Variants in MYH4 observed in about 807,000 individuals in gnomAD.
MYH4 encodes the protein myosin-4.
Under a neutral mutation model 229.9 loss-of-function variants are expected in MYH4, and 200 were observed. The observed-to-expected ratio is 0.87, with a 90% CI of 0.78 to 0.98. The LOEUF is 0.98. MYH4 is among the 50% of genes least tolerant of loss of function. The probability of loss-of-function intolerance (pLI) is 0.00; values close to 1 mark genes in which losing one functional copy is unlikely to be tolerated. For missense variants in MYH4, 2,148 were observed against 2,332.6 expected (o/e 0.92, Z 1.63); for synonymous variants, 761 against 834.6 (o/e 0.91, Z 1.52).
intron 28 of MYH4, 68 bp downstream of exon 28, chr17:10,451,258 G>T (rs1427215602): frequency 1.3e-6 from 2 of 1,548,652 alleles, no homozygotes; most frequent in East Asian, 2.3e-5. Context: ...ACTTGTATTT[G>T]ATAGGTAGGT....
intron 32 of MYH4, 36 bp downstream of exon 32, chr17:10,448,582 T>C (rs541775229): frequency 1.2e-6 from 2 of 1,610,784 alleles, no homozygotes; most frequent in African/African-American, 1.3e-5. Context: ...GATGTCTCCC[T>C]ACCATTTTTG....
At chr17:10,444,929 T>G (rs758347372) in intron 37 of MYH4, 30 bp from the exon 38 acceptor site, 1 of 1,614,032 alleles carries the variant, frequency 6.2e-7, no homozygotes, top group African/African-American at 1.3e-5. Context: ...TTTACCAGTT[T>G]GGCTGTAACT....
chr17:10,467,745 G>A (rs1429254525), intron 2 of MYH4, among the ~76,000 whole-genome samples: 3 of 152,146 alleles, frequency 2.0e-5, no homozygotes, highest in Non-Finnish European at 4.4e-5. Flanking sequence ...TGGATAGCCA[G>A]TATAAAGTTT....
intron 16 of MYH4, among the ~76,000 whole-genome samples, chr17:10,456,968 A>G (rs981648514): frequency 2.0e-5 from 3 of 152,188 alleles, no homozygotes; most frequent in Admixed American, 1.3e-4. Context: ...CTGCAGGGAA[A>G]TCCTGGCTCC....
At position 10,445,507 on chromosome 17, in the gene MYH4, A is replaced by T. The variant is rs182326941; in HGVS notation, c.5170-145T>A. ...CAAATTAGAAGATAATTCTAAGTTT[A>T]TGCCTTTTCTCCTTTCTATATATAG... On this transcript the variant is annotated intron_variant, in intron 35 of 39. Coordinates refer to ENST00000255381, the MANE Select transcript of MYH4 (RefSeq NM_017533.2). 20 of 1,121,518 alleles carry T rather than the reference A, an allele frequency of 1.8e-5. No individual in the cohort carries two copies. The Admixed American group carries it at 2.9e-4, about 16-fold the overall frequency. The allele number at this position is 1,121,518 out of a possible 1,614,324, so 69.5% of individuals were successfully genotyped here. A position where few individuals can be genotyped will look rare whatever the true frequency, so the allele number is the denominator to read the frequency against.
chr17:10,464,406 T>TG (rs2072737779), intron 7 of MYH4, 66 bp downstream of exon 7: 1 of 1,326,176 alleles, frequency 7.5e-7, no homozygotes, highest in South Asian at 1.3e-5. Flanking sequence ...TACAGTCTAC[T>TG]GTTGATGTGC....
Position 10,455,618 on chromosome 17 carries a change from G to A in MYH4, c.2170C>T (p.Gln724Ter), listed in dbSNP as rs1206965809. ...PSRILYADFK[Q>*]RYKVLNASAI... Reference sequence around the variant, plus strand: ...GAAAAATAATGAGACACAAACCTCTGTTTGAAGTCTGCATAAAGGATTCTG... The same window carrying A: ...GAAAAATAATGAGACACAAACCTCTATTTGAAGTCTGCATAAAGGATTCTG... The change falls in exon 19 of 40, where the codon CAG (glutamine) becomes TAG (stop). Residue 724 changes from glutamine (Q) to a stop codon, truncating the protein, a stop_gained. Transcript: ENST00000255381. LOFTEE classifies it high-confidence loss of function. 4 of 1,613,980 alleles carry A rather than the reference G, an allele frequency of 2.5e-6. No individual in the cohort carries two copies. The highest frequency in any genetic ancestry group is 1.1e-5 in the South Asian group (1 of 91,074).
chr17:10,445,704 T>C (rs1454812752), intron 35 of MYH4, among the ~76,000 whole-genome samples: 1 of 152,134 alleles, frequency 6.6e-6, no homozygotes, highest in Non-Finnish European at 1.5e-5. Context: ...TAACTCATGT[T>C]GGTTGACTCC....
chr17:10,465,590 C>T lies in MYH4; in HGVS notation c.357G>A (p.Ser119=), dbSNP rs1387866405. The T allele has an allele frequency of 3.7e-6, 6 of 1,613,882 alleles. No homozygotes were observed. Among genetic ancestry groups the T allele is most frequent in the African/African-American group, 1.3e-5 (1 of 74,872 alleles). ...GGTTGACGGTGACACAGAAGAGGCCCGAGTAGGTCTGTGGGAAAGGACGGG... is the reference window on the plus strand; with the variant it reads ...GGTTGACGGTGACACAGAAGAGGCCTGAGTAGGTCTGTGGGAAAGGACGGG... ...RYAAWMIYTY[S]GLFCVTVNPY... Residue 119 remains serine, a synonymous_variant, in exon 5 of 40, where the codon TCG becomes TCA. Transcript: ENST00000255381.
chr17:10,462,966 T>A lies in MYH4; in HGVS notation c.907A>T (p.Met303Leu). ...LSNKKPELIE[M>L]LLITTNPYDF... ...TATGGGTTGGTGGTGATCAGAAGCA[T>A]TTCTGAACACATGGAAAAGAACAGT... Residue 303 changes from methionine to leucine, a missense_variant and splice_region_variant, in exon 11 of 40, where the codon ATG (methionine) becomes TTG (leucine). Coordinates refer to ENST00000255381, the MANE Select transcript of MYH4 (RefSeq NM_017533.2). 1.2e-6 allele frequency: 2 copies of A among 1,613,324 alleles called. No individual in the cohort carries two copies. Among genetic ancestry groups the A allele is most frequent in the Non-Finnish European group, 1.7e-6 (2 of 1,179,338 alleles).
intron 7 of MYH4, 60 bp from the exon 8 acceptor site, chr17:10,463,703 A>G: frequency 4.5e-6 from 6 of 1,346,048 alleles, no homozygotes; most frequent in Non-Finnish European, 6.2e-6. Context: ...TTTCCCATTG[A>G]CCTCTTTCCC....
rs762464051 is a variant in MYH4, at chr17:10,459,220, A to G, written c.1587+31T>C. The G allele has an allele frequency of 2.5e-6, 4 of 1,613,858 alleles. 1 individual carries two copies. Among genetic ancestry groups the G allele is most frequent in the East Asian group, 4.5e-5 (2 of 44,876 alleles). On this transcript the variant is annotated intron_variant, in intron 15 of 39. Transcript: ENST00000255381. ...CAGGGAGGCAAGCAATTTGGTTTTC[A>G]TGTTTTGAAAGCTAGAAAAGTCATA... is the stretch of plus-strand genomic sequence containing the variant.
chr17:10,454,489 G>A (rs2072615112), intron 22 of MYH4, 66 bp downstream of exon 22: 1 of 1,556,144 alleles, frequency 6.4e-7, no homozygotes, highest in Admixed American at 1.9e-5. Flanking sequence ...TGTTTCAGTG[G>A]AAACCATTCA....
chr17:10,451,584 A>G (rs2072574171), intron 27 of MYH4, 132 bp from the exon 28 acceptor site: 4 of 996,106 alleles, frequency 4.0e-6, no homozygotes, highest in Non-Finnish European at 5.7e-6. Context: ...CATGGTGGCT[A>G]TAAAGTAGTA....
At chr17:10,455,142 A>T (rs1567702311) in intron 20 of MYH4, 30 bp downstream of exon 20, 1 of 1,614,120 alleles carries the variant, frequency 6.2e-7, no homozygotes, top group Non-Finnish European at 8.5e-7. Flanking sequence ...TGATAGAATT[A>T]TGACAGATAG....
chr17:10,455,419 AG>A, intron 19 of MYH4, 124 bp from the exon 20 acceptor site: 1 of 1,309,240 alleles, frequency 7.6e-7, no homozygotes, highest in Admixed American at 2.6e-5. Context: ...CCATTTAAAA[AG>A]TCAGTGCTTT....
rs1208775437 is a variant in MYH4, at chr17:10,450,564, G to A, written c.4070C>T (p.Ala1357Val). 3.1e-6 allele frequency: 5 copies of A among 1,614,150 alleles called. No individual in the cohort carries two copies. Among genetic ancestry groups the A allele is most frequent in the Non-Finnish European group, 4.2e-6 (5 of 1,180,020 alleles). The change falls in exon 30 of 40, where the codon GCC (alanine) becomes GTC (valine). Residue 1357 changes from alanine (A) to valine (V), a missense_variant. Coordinates refer to ENST00000255381, the MANE Select transcript of MYH4 (RefSeq NM_017533.2). ...CATTCCCCTCTGCAGCTCAGCCTTG[G>A]CTTCCTGCTCCTCCTCATACTGTTC... ...LREQYEEEQE[A>V]KAELQRGMSK...
rs201075146 is a variant in MYH4 at position 10,459,352 on chromosome 17, T to A, written c.1486A>T (p.Met496Leu). 245 of 1,613,908 alleles carry A rather than the reference T, an allele frequency of 1.5e-4. No homozygotes were observed. Among genetic ancestry groups the A allele is most frequent in the Non-Finnish European group, 1.9e-4 (222 of 1,180,006 alleles). Residue 496 changes from methionine to leucine, a missense_variant, in exon 15 of 40, where the codon ATG (methionine) becomes TTG (leucine). Met to Leu is a conservative substitution (Grantham distance 15, BLOSUM62 2). Coordinates refer to ENST00000255381, the MANE Select transcript of MYH4 (RefSeq NM_017533.2). ...EKLQQFFNHH[M>L]FVLEQEEYKK... Reference sequence around the variant, plus strand: ...TACTCTTCCTGCTCCAGCACGAACATGTGGTGGTTGAAAAACTGTTGCAGT... The same window carrying A: ...TACTCTTCCTGCTCCAGCACGAACAAGTGGTGGTTGAAAAACTGTTGCAGT...
At position 10,443,336 on chromosome 17, in the gene MYH4, G is replaced by A. The variant is rs371161204; in HGVS notation, c.*39C>T. Reference sequence around the variant, plus strand: ...ACAGTGACAAAGAACTTCACATTTCGTGCATTTCTTTGGTCACATTTTCTT... The same window carrying A: ...ACAGTGACAAAGAACTTCACATTTCATGCATTTCTTTGGTCACATTTTCTT... On this transcript the variant is annotated 3_prime_UTR_variant, in exon 40 of 40. Coordinates refer to ENST00000255381, the MANE Select transcript of MYH4 (RefSeq NM_017533.2). This position sits in a 1 kb window ranked among gnomAD's most constrained non-coding sequence, Gnocchi z 4.6. The A allele has an allele frequency of 6.9e-6, 11 of 1,601,366 alleles. No homozygotes were observed. Among genetic ancestry groups the A allele is most frequent in the East Asian group, 6.7e-5 (3 of 44,770 alleles).
Sources: allele counts gnomAD v4.1 joint callset (sites outside exome capture counted in the v4.1 genomes callset), GRCh38; gene constraint gnomAD v4.1.1; non-coding constraint Gnocchi (gnomAD v3.1); transcripts MANE v1.5; gene names NCBI Gene and HGNC (gene_info 2026-07-23, HGNC 2026-07-21).